Variants in GLIS3 observed in about 807,000 individuals in gnomAD.
GLIS3 encodes GLIS family zinc finger 3, also known as zinc finger protein GLIS3.
In GLIS3, 53 loss-of-function variants were observed where a neutral mutation model predicts 78.6. That is an observed-to-expected ratio of 0.67 (90% CI 0.54 to 0.85). The LOEUF (loss-of-function observed/expected upper bound fraction) is 0.85, where lower values mean the gene tolerates loss of function less well. GLIS3 is among the 40% of genes least tolerant of loss of function. The pLI, the probability that GLIS3 is intolerant of heterozygous loss-of-function variation, is 0.00. For synonymous variants in GLIS3, 684 were observed against 509.9 expected (o/e 1.34, Z -4.60); for missense variants, 1,703 against 1,231.1 (o/e 1.38, Z -5.74).
intron 2 of GLIS3, among the ~76,000 whole-genome samples, chr9:4,313,472 T>C (rs567664451): frequency 2.6e-5 from 4 of 152,302 alleles, no homozygotes; most frequent in African/African-American, 7.2e-5. Flanking sequence ...CTCAGTTCTC[T>C]CAGCCAGACC....
At chr9:4,254,067 G>A (rs772114827) in intron 2 of GLIS3, among the ~76,000 whole-genome samples, 5 of 152,186 alleles carry the variant, frequency 3.3e-5, no homozygotes, top group Non-Finnish European at 5.9e-5. Context: ...CAGCCACCTC[G>A]AGGAAGAGAA....
chr9:4,060,416 G>A (rs62521684), intron 4 of GLIS3, among the ~76,000 whole-genome samples: 1 of 152,096 alleles, frequency 6.6e-6, no homozygotes, highest in East Asian at 1.9e-4. Context: ...CTCACTAATA[G>A]GTGGTGTTAT....
Position 4,117,862 on chromosome 9 carries a change from G to C in GLIS3, c.1616C>G (p.Ala539Gly). The change falls in exon 4 of 11, where the codon GCC becomes GGC. Residue 539 changes from alanine (A) to glycine (G), a missense_variant. By Grantham distance (60) the Ala-to-Gly change is moderately conservative (BLOSUM62 0). Transcript: ENST00000381971. ...GGGCTTGTATCTTCGAGGGCAACCG[G>C]CCCAGAAGCAAGTGAAGTCCTCCCC... ...RKGEDFTCFWAGCPRRYKPFN... is the reference protein window; with the variant it reads ...RKGEDFTCFWGGCPRRYKPFN... The C allele has an allele frequency of 6.2e-7, 1 of 1,614,124 alleles. No homozygotes were observed. The highest frequency in any genetic ancestry group is 1.3e-5 in the African/African-American group (1 of 75,036).
At chr9:4,198,916 C>T (rs2131255261) in intron 2 of GLIS3, among the ~76,000 whole-genome samples, 1 of 152,286 alleles carries the variant, frequency 6.6e-6, no homozygotes, top group Middle Eastern at 3.4e-3. Context: ...TTTCAGCATT[C>T]TTAAAGAAAA....
chr9:3,881,027 A>T (rs12350622), intron 7 of GLIS3, among the ~76,000 whole-genome samples: 2 of 152,206 alleles, frequency 1.3e-5, no homozygotes, highest in African/African-American at 4.8e-5. Context: ...TACAAGTTGC[A>T]TATTTGCAAA....
chr9:3,871,613 T>C (rs1218535684), intron 8 of GLIS3, among the ~76,000 whole-genome samples: 1 of 152,194 alleles, frequency 6.6e-6, no homozygotes, highest in East Asian at 1.9e-4. Flanking sequence ...TCTGAAGCCA[T>C]GGCCAGAGCT....
At chr9:4,254,455 C>G (rs1587165801) in intron 2 of GLIS3, among the ~76,000 whole-genome samples, 1 of 152,198 alleles carries the variant, frequency 6.6e-6, no homozygotes, top group East Asian at 1.9e-4. Flanking sequence ...AATGAAAGTC[C>G]TGACAGTAAA....
the GLIS3 span, among the ~76,000 whole-genome samples, chr9:4,456,498 GC>G: frequency 6.6e-6 from 1 of 152,142 alleles, no homozygotes; most frequent in Non-Finnish European, 1.5e-5. Context: ...CAGCAATATG[GC>G]TATTCTGCTT....
intron 2 of GLIS3, among the ~76,000 whole-genome samples, chr9:4,180,641 G>A (rs768059214): frequency 1.3e-5 from 2 of 152,158 alleles, no homozygotes; most frequent in African/African-American, 4.8e-5. Flanking sequence ...TGAGAGAACA[G>A]CAGATCTTAA....
intron 2 of GLIS3, among the ~76,000 whole-genome samples, chr9:4,266,339 G>C (rs1024521913): frequency 1.3e-5 from 2 of 152,038 alleles, no homozygotes; most frequent in African/African-American, 4.8e-5. Flanking sequence ...TGGATGAAGT[G>C]CCTCCAATGG....
intron 2 of GLIS3, among the ~76,000 whole-genome samples, chr9:4,171,849 C>A (rs148332164): frequency 6.6e-6 from 1 of 152,086 alleles, no homozygotes; most frequent in Non-Finnish European, 1.5e-5. Flanking sequence ...GATGATTAAA[C>A]GACTGAAGAG....
chr9:4,246,482 T>C (rs1263300421), intron 2 of GLIS3, among the ~76,000 whole-genome samples: 3 of 152,232 alleles, frequency 2.0e-5, no homozygotes, highest in Admixed American at 2.0e-4. Flanking sequence ...GGCTACCATT[T>C]CCATGCATTT....
At chr9:4,242,749 G>A (rs530497364) in intron 2 of GLIS3, among the ~76,000 whole-genome samples, 60 of 152,164 alleles carry the variant, frequency 3.9e-4, no homozygotes, top group African/African-American at 1.4e-3. Flanking sequence ...CCCAGATTCA[G>A]AAGATTTTGC....
chr9:4,301,808 A>G (rs1192703693), upstream of GLIS3, among the ~76,000 whole-genome samples: 1 of 152,190 alleles, frequency 6.6e-6, no homozygotes, highest in Non-Finnish European at 1.5e-5. Context: ...ACTTTAATCA[A>G]TAGCTCATGG....
intron 6 of GLIS3, among the ~76,000 whole-genome samples, chr9:3,908,709 T>TTTG (rs1823900834): frequency 5.6e-5 from 6 of 107,242 alleles, no homozygotes; most frequent in East Asian, 6.1e-4. Context: ...TGTATTTGTT[T>TTTG]TTTTTTTTTT....
intron 2 of GLIS3, among the ~76,000 whole-genome samples, chr9:4,139,550 T>A (rs1174097280): frequency 1.3e-5 from 2 of 152,054 alleles, no homozygotes; most frequent in East Asian, 3.9e-4. Context: ...TCCTGTTACA[T>A]ACAGATACAC....
intron 4 of GLIS3, among the ~76,000 whole-genome samples, chr9:4,096,798 AC>A (rs35929088): frequency 7.9e-5 from 12 of 151,946 alleles, no homozygotes; most frequent in Non-Finnish European, 1.8e-4. Context: ...GATTGCTTGA[AC>A]CCTGGAGCTC....
At chr9:3,946,735 T>A (rs1241310512) in intron 4 of GLIS3, among the ~76,000 whole-genome samples, 1 of 152,168 alleles carries the variant, frequency 6.6e-6, no homozygotes, top group East Asian at 1.9e-4. Context: ...GATACACAGA[T>A]CTATTGGGAA....
chr9:4,351,128 C>T (rs1326304530), upstream of GLIS3, among the ~76,000 whole-genome samples: 1 of 152,188 alleles, frequency 6.6e-6, no homozygotes, highest in Middle Eastern at 3.4e-3. Flanking sequence ...TTGGGATAGC[C>T]TCTCTACACT....
Sources: allele counts gnomAD v4.1 joint callset (sites outside exome capture counted in the v4.1 genomes callset), GRCh38; gene constraint gnomAD v4.1.1; transcripts MANE v1.5; gene names NCBI Gene and HGNC (gene_info 2026-07-23, HGNC 2026-07-21).